SPATA16: variants seen among roughly 807,000 people sequenced by gnomAD.
The protein encoded by SPATA16 is spermatogenesis-associated protein 16.
A neutral mutation model predicts 63.3 loss-of-function variants in SPATA16; 36 were observed. The observed-to-expected ratio is 0.57, with a 90% CI of 0.44 to 0.75. The LOEUF is 0.75. SPATA16 is among the 30% of genes least tolerant of loss of function. SPATA16 has a pLI of 0.00. For missense variants in SPATA16, 646 were observed against 679.3 expected (o/e 0.95, Z 0.54); for synonymous variants, 203 against 216.7 (o/e 0.94, Z 0.56).
intron 10 of SPATA16, among the ~76,000 whole-genome samples, chr3:172,909,652 C>G (rs979402188): frequency 2.0e-5 from 3 of 152,168 alleles, no homozygotes; most frequent in Admixed American, 2.0e-4. Flanking sequence ...ATGACTCCAG[C>G]CCCATGCATG....
intron 6 of SPATA16, among the ~76,000 whole-genome samples, chr3:172,948,430 A>G (rs1733347190): frequency 6.6e-6 from 1 of 152,082 alleles, no homozygotes; most frequent in African/African-American, 2.4e-5. Context: ...TCAGACAAAC[A>G]AAAGCTGAGG....
intron 4 of SPATA16, among the ~76,000 whole-genome samples, chr3:172,994,985 G>C (rs1234285558): frequency 6.6e-6 from 1 of 152,106 alleles, no homozygotes; most frequent in Admixed American, 6.6e-5. Context: ...TGAATATTCA[G>C]ATGGTGCTTG....
intron 2 of SPATA16, among the ~76,000 whole-genome samples, chr3:173,076,165 T>G (rs1341762645): frequency 6.6e-6 from 1 of 151,900 alleles, no homozygotes; most frequent in Admixed American, 6.6e-5. Flanking sequence ...GTATTTCTAT[T>G]TATATGTTAC....
intron 2 of SPATA16, among the ~76,000 whole-genome samples, chr3:173,085,111 A>G (rs1266042724): frequency 1.3e-5 from 2 of 152,154 alleles, no homozygotes; most frequent in Non-Finnish European, 1.5e-5. Flanking sequence ...TTTGGGCAGT[A>G]TGGCCATTTT....
chr3:173,022,662 A>G (rs9884088), intron 3 of SPATA16, among the ~76,000 whole-genome samples: 4,609 of 152,132 alleles, frequency 0.03, 255 homozygotes, highest in African/African-American at 0.11. Context: ...AAAAGTTCTT[A>G]ATCATTTGTC....
At chr3:173,082,405 G>A (rs150001903) in intron 2 of SPATA16, among the ~76,000 whole-genome samples, 40 of 152,066 alleles carry the variant, frequency 2.6e-4, no homozygotes, top group African/African-American at 9.4e-4. Flanking sequence ...CCTGTCTGTC[G>A]CCCCTTACCC....
chr3:173,043,866 T>C lies in SPATA16; in HGVS notation c.758+5083A>G, dbSNP rs9682172. 4.0e-3 allele frequency among the ~76,000 whole-genome samples: 615 copies of C among 152,262 alleles called. 6 individuals carry two copies. Among genetic ancestry groups the C allele is most frequent in the African/African-American group, 0.014 (589 of 41,584 alleles). ...TTATATGAAAATATTTTCATTTTAC[T>C]TGCTGAAAATCAAATTCTAGTTTAA... On this transcript the variant is annotated intron_variant, in intron 3 of 10. Coordinates refer to ENST00000351008, the MANE Select transcript of SPATA16 (RefSeq NM_031955.6).
In SPATA16 at chr3:173,093,070, C is replaced by CAT. The variant is rs1397160639; in HGVS notation, c.612+24049_612+24050insAT. On this transcript the variant is annotated intron_variant, in intron 2 of 10. Coordinates refer to ENST00000351008, the MANE Select transcript of SPATA16 (RefSeq NM_031955.6). ...ACACACACACACACACACACACACA[C>CAT]ACACACATATATATATATATGTTTC... Among the ~76,000 whole-genome samples, 72 of 137,910 alleles carry CAT rather than the reference C, an allele frequency of 5.2e-4. No homozygotes were observed. The East Asian group carries it at 5.5e-3, about 10-fold the overall frequency. The allele number at this position is 137,910 out of a possible 152,430, so 90.5% of individuals were successfully genotyped here.
chr3:172,978,974 A>G (rs1421458246), intron 4 of SPATA16, among the ~76,000 whole-genome samples: 1 of 152,240 alleles, frequency 6.6e-6, no homozygotes, highest in Non-Finnish European at 1.5e-5. Flanking sequence ...GCGTTGGCTC[A>G]TGCCTGTAAT....
chr3:173,033,388 T>C (rs76077892), intron 3 of SPATA16, among the ~76,000 whole-genome samples: 4,773 of 152,280 alleles, frequency 0.031, 269 homozygotes, highest in African/African-American at 0.11. Context: ...AAATAGTCTT[T>C]AAGTAATACA....
intron 3 of SPATA16, among the ~76,000 whole-genome samples, chr3:173,029,406 G>GTTTTTTTTTTTTTTTTTTTTTTTTTTT (rs57233262): frequency 1.4e-5 from 2 of 139,852 alleles, no homozygotes; most frequent in African/African-American, 5.5e-5. Flanking sequence ...AGTAATCAGA[G>GTTTTTTTTTTTTTTTTTTTTTTTTTTT]TTTTTTTTTT....
chr3:173,103,697 G>C (rs937886416), intron 2 of SPATA16, among the ~76,000 whole-genome samples: 10 of 152,208 alleles, frequency 6.6e-5, no homozygotes, highest in African/African-American at 2.4e-4. Context: ...GATAGGAGGG[G>C]CTGCTACAAA....
chr3:172,938,744 A>G (rs1733071445), intron 6 of SPATA16, among the ~76,000 whole-genome samples: 1 of 152,204 alleles, frequency 6.6e-6, no homozygotes, highest in African/African-American at 2.4e-5. Flanking sequence ...AAAAGTTAGA[A>G]TCACAGAAAG....
At chr3:172,997,728 T>C (rs1734723203) in intron 4 of SPATA16, among the ~76,000 whole-genome samples, 2 of 152,146 alleles carry the variant, frequency 1.3e-5, no homozygotes, top group Non-Finnish European at 2.9e-5. Context: ...TTTATAGTTT[T>C]GAATTTTACA....
chr3:172,938,815 A>G (rs116753961), intron 6 of SPATA16, among the ~76,000 whole-genome samples: 11,391 of 146,224 alleles, frequency 0.078, 545 homozygotes, highest in Admixed American at 0.11. Flanking sequence ...GTTGTTTTTC[A>G]GAGATCCAGA....
intron 2 of SPATA16, among the ~76,000 whole-genome samples, chr3:173,073,875 G>C (rs1408106711): frequency 6.6e-6 from 1 of 152,214 alleles, no homozygotes; most frequent in Non-Finnish European, 1.5e-5. Context: ...GCCTGTGAAA[G>C]CAGCTGGGAG....
chr3:173,108,099 C>T (rs1286290477), intron 2 of SPATA16, among the ~76,000 whole-genome samples: 1 of 152,036 alleles, frequency 6.6e-6, no homozygotes, highest in Non-Finnish European at 1.5e-5. Flanking sequence ...GGAAATAATC[C>T]CACTGATGAA....
In SPATA16 at chr3:172,916,420, T is replaced by G; in HGVS notation, c.1400A>C (p.Gln467Pro). Reference sequence around the variant, plus strand: ...GGACTGCTCCTTTACTCTCTGCAGCTGGCTGAGGAGGCTGGCATATTGCAA... The same window carrying G: ...GGACTGCTCCTTTACTCTCTGCAGCGGGCTGAGGAGGCTGGCATATTGCAA... ...EKLQYASLLS[Q>P]LQRVKEQSQV... Residue 467 changes from glutamine to proline, a missense_variant, in exon 9 of 11, where the codon CAG becomes CCG. By Grantham distance (76) the Gln-to-Pro change is moderately conservative. Coordinates refer to ENST00000351008, the MANE Select transcript of SPATA16 (RefSeq NM_031955.6). 1 of 1,613,926 alleles carries G rather than the reference T, an allele frequency of 6.2e-7. No homozygotes were observed. The highest frequency in any genetic ancestry group is 8.5e-7 in the Non-Finnish European group (1 of 1,179,822).
chr3:173,075,330 A>C (rs1442215147), intron 2 of SPATA16, among the ~76,000 whole-genome samples: 1 of 152,162 alleles, frequency 6.6e-6, no homozygotes, highest in Non-Finnish European at 1.5e-5. Flanking sequence ...ACAGTTGGTG[A>C]GAATGTAAAT....
Sources: allele counts gnomAD v4.1 joint callset (sites outside exome capture counted in the v4.1 genomes callset), GRCh38; gene constraint gnomAD v4.1.1; transcripts MANE v1.5; gene names NCBI Gene and HGNC (gene_info 2026-07-23, HGNC 2026-07-21).